SGCD: variants seen among roughly 807,000 people sequenced by gnomAD.
SGCD encodes the protein sarcoglycan delta, also known as delta-sarcoglycan.
In SGCD, 18 loss-of-function variants were observed where a neutral mutation model predicts 36.6. The observed-to-expected ratio is 0.49, with a 90% CI of 0.34 to 0.73. The LOEUF (loss-of-function observed/expected upper bound fraction) is 0.73, where lower values mean the gene tolerates loss of function less well. Ranked by LOEUF, SGCD falls within the 30% of genes least tolerant of loss-of-function variation. The probability of loss-of-function intolerance (pLI) is 0.01; values close to 1 mark genes in which losing one functional copy is unlikely to be tolerated. For missense variants in SGCD, 387 were observed against 346.7 expected, an observed-to-expected ratio of 1.12 and a Z score of -0.92; for synonymous variants, 133 against 130.6, an observed-to-expected ratio of 1.02 and a Z score of -0.12.
chr5:156,210,575 G>T (rs2127640662), intron 3 of SGCD, among the ~76,000 whole-genome samples: 1 of 151,508 alleles, frequency 6.6e-6, no homozygotes, highest in South Asian at 2.1e-4. Flanking sequence ...ATCAAGAAAA[G>T]AATAAATGAC....
chr5:156,745,502 C>T (rs981402792), intron 7 of SGCD, among the ~76,000 whole-genome samples: 1 of 152,032 alleles, frequency 6.6e-6, no homozygotes, highest in Non-Finnish European at 1.5e-5. Context: ...TCAAATAATT[C>T]CTGCAGATAA....
At chr5:156,411,076 A>T (rs1772723266) in intron 3 of SGCD, among the ~76,000 whole-genome samples, 1 of 152,194 alleles carries the variant, frequency 6.6e-6, no homozygotes, top group East Asian at 1.9e-4. Flanking sequence ...TTGCTTTTAT[A>T]TGATTTGCCC....
chr5:155,750,000 T>A, the SGCD span, among the ~76,000 whole-genome samples: 1 of 152,248 alleles, frequency 6.6e-6, no homozygotes, highest in Admixed American at 6.5e-5. Flanking sequence ...CTGCTTTCTT[T>A]ATGAATCATT....
chr5:156,287,139 T>C (rs942136260), intron 3 of SGCD, among the ~76,000 whole-genome samples: 1 of 152,182 alleles, frequency 6.6e-6, no homozygotes, highest in South Asian at 2.1e-4. Context: ...TTTTAACTTA[T>C]ACCTAGTACA....
chr5:156,072,733 C>T (rs1242690352), intron 1 of SGCD, among the ~76,000 whole-genome samples: 1 of 152,194 alleles, frequency 6.6e-6, no homozygotes, highest in Admixed American at 6.5e-5. Context: ...TGTTTTCCAA[C>T]TTGGTTCCAT....
At chr5:156,199,131 G>C (rs945857671) in intron 3 of SGCD, among the ~76,000 whole-genome samples, 8 of 152,028 alleles carry the variant, frequency 5.3e-5, no homozygotes, top group African/African-American at 1.9e-4. Flanking sequence ...TCATGAATCT[G>C]AACCTTCTGC....
intron 3 of SGCD, among the ~76,000 whole-genome samples, chr5:156,352,590 C>A (rs949060471): frequency 1.3e-5 from 2 of 152,184 alleles, no homozygotes; most frequent in African/African-American, 4.8e-5. Flanking sequence ...GTATATAGAT[C>A]TCCTGATTTC....
rs1757566798 is a variant in SGCD at position 156,765,235 on chromosome 5, G to C, written c.*5845G>C. The C allele has an allele frequency of 6.6e-6, 1 of 152,198 alleles. No individual in the cohort carries two copies. The highest frequency in any genetic ancestry group is 1.5e-5 in the Non-Finnish European group (1 of 68,046). 9.4% of individuals were successfully genotyped at this position (152,198 alleles called of 1,614,324 possible). Reference sequence around the variant, plus strand: ...GGGTTTTTTGGTGAAATCAGAGATAGCTCAGGATTTCATAAAACGAGAAAC... The same window carrying C: ...GGGTTTTTTGGTGAAATCAGAGATACCTCAGGATTTCATAAAACGAGAAAC... On this transcript the variant is annotated 3_prime_UTR_variant, in exon 9 of 9. Transcript: ENST00000337851.
chr5:156,604,143 A>G (rs1761319237), intron 6 of SGCD, among the ~76,000 whole-genome samples: 1 of 151,948 alleles, frequency 6.6e-6, no homozygotes. Context: ...ATCACTATAC[A>G]ATGACCTTCT....
At chr5:156,606,803 G>C (rs1761480319) in intron 6 of SGCD, among the ~76,000 whole-genome samples, 1 of 152,118 alleles carries the variant, frequency 6.6e-6, no homozygotes, top group South Asian at 2.1e-4. Context: ...TATTCTCTTT[G>C]AAGCAATTGT....
chr5:155,874,125 A>C (rs1406539395), intron 1 of SGCD, among the ~76,000 whole-genome samples: 1 of 152,122 alleles, frequency 6.6e-6, no homozygotes. Context: ...TTTTCTGTGT[A>C]AATTTTTCAA....
At position 155,983,918 on chromosome 5, in the gene SGCD, T is replaced by A. The variant is rs73302908; in HGVS notation, c.-282+113494T>A. 3.1e-4 allele frequency among the ~76,000 whole-genome samples: 47 copies of A among 152,242 alleles called. 1 individual carries two copies. Among genetic ancestry groups the A allele is most frequent in the African/African-American group, 1.1e-3 (44 of 41,554 alleles). ...CTCTGCTGACATCCCCCTAATCTTG[T>A]CCATGGCAGTGGCTGCAATTCCAGT... On this transcript the variant is annotated intron_variant, in intron 1 of 9. Coordinates refer to the SGCD transcript ENST00000517913.
rs78675332 is a variant in SGCD at position 156,306,530 on chromosome 5, C to T, written c.-43-23004C>T. On this transcript the variant is annotated intron_variant, in intron 3 of 9. Coordinates refer to the SGCD transcript ENST00000517913. ...ATGAAAAGGGACTAATATAGTAGTG[C>T]TGTTTTCTATACAAAGTCTCACCAT... Among the ~76,000 whole-genome samples the T allele has an allele frequency of 6.5e-3, 985 of 152,308 alleles. 9 individuals carry two copies. Among genetic ancestry groups the T allele is most frequent in the African/African-American group, 0.022 (931 of 41,564 alleles).
chr5:155,985,586 A>T (rs1581027659), intron 1 of SGCD, among the ~76,000 whole-genome samples: 1 of 152,254 alleles, frequency 6.6e-6, no homozygotes, highest in East Asian at 1.9e-4. Context: ...CATAAACCCC[A>T]AGTGCCCATC....
At chr5:156,391,779 A>C (rs957871275) in intron 3 of SGCD, among the ~76,000 whole-genome samples, 1 of 152,200 alleles carries the variant, frequency 6.6e-6, no homozygotes, top group Non-Finnish European at 1.5e-5. Context: ...TGTGTTTGCT[A>C]GTACTATCAT....
At chr5:156,617,905 G>A (rs1762081067) in intron 6 of SGCD, among the ~76,000 whole-genome samples, 1 of 152,176 alleles carries the variant, frequency 6.6e-6, no homozygotes, top group African/African-American at 2.4e-5. Context: ...CAACTCAAAA[G>A]GCTTTAGAAT....
the SGCD span, among the ~76,000 whole-genome samples, chr5:155,856,853 C>T: frequency 2.0e-5 from 3 of 152,110 alleles, no homozygotes; most frequent in Non-Finnish European, 2.9e-5. Flanking sequence ...TAACAATTAT[C>T]GGAAAGGATG....
At chr5:156,373,118 C>T (rs1261374695) in intron 3 of SGCD, among the ~76,000 whole-genome samples, 1 of 152,070 alleles carries the variant, frequency 6.6e-6, no homozygotes, top group Non-Finnish European at 1.5e-5. Context: ...ATTTAGCTGT[C>T]CAGACATTAG....
the SGCD span, among the ~76,000 whole-genome samples, chr5:155,831,550 C>T: frequency 2.6e-5 from 4 of 152,188 alleles, no homozygotes; most frequent in Admixed American, 2.6e-4. Context: ...TATGCAATTG[C>T]TTTGTGCCTT....
Sources: allele counts gnomAD v4.1 joint callset (sites outside exome capture counted in the v4.1 genomes callset), GRCh38; gene constraint gnomAD v4.1.1; transcripts MANE v1.5; gene names NCBI Gene and HGNC (gene_info 2026-07-23, HGNC 2026-07-21).